Variants in AURKC observed in about 807,000 individuals in gnomAD.
The protein encoded by AURKC is ARK-3.
A neutral mutation model predicts 29.2 loss-of-function variants in AURKC; 15 were observed. The observed-to-expected ratio is 0.51, with a 90% CI of 0.34 to 0.79. AURKC has a LOEUF of 0.79. Ranked by LOEUF, AURKC falls within the 30% of genes least tolerant of loss-of-function variation. The pLI, the probability that AURKC is intolerant of heterozygous loss-of-function variation, is 0.01. For missense variants in AURKC, 332 were observed against 383.2 expected, an observed-to-expected ratio of 0.87 and a Z score of 1.12; for synonymous variants, 150 against 149.9, an observed-to-expected ratio of 1.00 and a Z score of -0.01.
At position 57,232,539 on chromosome 19, in the gene AURKC, C is replaced by A; in HGVS notation, c.297-3C>A. On this transcript the variant is annotated splice_polypyrimidine_tract_variant and splice_region_variant and intron_variant, in intron 3 of 6. Transcript: ENST00000302804. This position sits in a 1 kb window ranked among gnomAD's most constrained non-coding sequence, Gnocchi z 4.5. ...TCTGACTCTTCCAACATTAATCCTT[C>A]AGACACCCCAATATCCTGCGCCTGT... 2 of 1,614,184 alleles carry A rather than the reference C, an allele frequency of 1.2e-6. No individual in the cohort carries two copies. Among genetic ancestry groups the A allele is most frequent in the Non-Finnish European group, 1.7e-6 (2 of 1,180,036 alleles).
At position 57,235,018 on chromosome 19, in the gene AURKC, A is replaced by G; in HGVS notation, c.719A>G (p.Glu240Gly). The G allele has an allele frequency of 1.2e-6, 2 of 1,614,098 alleles. No individual in the cohort carries two copies. The highest frequency in any genetic ancestry group is 1.7e-6 in the Non-Finnish European group (2 of 1,180,030). The change falls in exon 6 of 7, where the codon GAG (glutamate) becomes GGG (glycine). Residue 240 changes from glutamate to glycine, a missense_variant. Transcript: ENST00000302804. ...YELLVGYPPF[E>G]SASHSETYRR... ...CTGCTGGTGGGATATCCACCCTTTGAGAGCGCCTCCCACAGTGAGACTTAC... is the reference window on the plus strand; with the variant it reads ...CTGCTGGTGGGATATCCACCCTTTGGGAGCGCCTCCCACAGTGAGACTTAC...
Position 57,231,174 on chromosome 19 carries a change from C to T in AURKC, c.-75C>T. On this transcript the variant is annotated 5_prime_UTR_variant, in exon 1 of 7. Transcript: ENST00000302804. Reference sequence around the variant, plus strand: ...CCGGCCAGAAAGTGACCCCCCACCCCTTTCAGGACCCTGTGAACGGGAACA... The same window carrying T: ...CCGGCCAGAAAGTGACCCCCCACCCTTTTCAGGACCCTGTGAACGGGAACA... 6.4e-7 allele frequency: 1 copy of T among 1,551,288 alleles called. No individual in the cohort carries two copies. The highest frequency in any genetic ancestry group is 8.7e-7 in the Non-Finnish European group (1 of 1,146,798).
chr19:57,231,655 C>G (rs1248714219), intron 1 of AURKC, 87 bp from the exon 2 acceptor site: 1 of 1,489,258 alleles, frequency 6.7e-7, no homozygotes, highest in African/African-American at 1.4e-5. Flanking sequence ...CTATTCCCTT[C>G]TCTACTGTTC....
chr19:57,235,215 G>C, intron 6 of AURKC, 32 bp from the exon 7 acceptor site: 1 of 1,613,826 alleles, frequency 6.2e-7, no homozygotes, highest in South Asian at 1.1e-5. Flanking sequence ...AAATTAACCA[G>C]ACTTCTCTTT....
At position 57,232,776 on chromosome 19, in the gene AURKC, T is replaced by G; in HGVS notation, c.435+96T>G. The G allele has an allele frequency of 6.6e-7, 1 of 1,519,622 alleles. No homozygotes were observed. The highest frequency in any genetic ancestry group is 1.4e-5 in the African/African-American group (1 of 72,912). 94.1% of individuals were successfully genotyped at this position (1,519,622 alleles called of 1,614,324 possible). A position where few individuals can be genotyped will look rare whatever the true frequency, so the allele number is the denominator to read the frequency against. On this transcript the variant is annotated intron_variant, in intron 4 of 6. Coordinates refer to ENST00000302804, the MANE Select transcript of AURKC (RefSeq NM_001015878.2). The surrounding 1 kb of genome is among the most constrained non-coding windows in gnomAD (Gnocchi z 4.5). ...TGTCAGGAGGGTCCGCATTGCCTTC[T>G]GAGAAGTTTACTTCTGAATGTTATT...
intron 5 of AURKC, among the ~76,000 whole-genome samples, chr19:57,234,313 C>G (rs1013690098): frequency 3.3e-5 from 5 of 152,174 alleles, no homozygotes; most frequent in African/African-American, 1.2e-4. Context: ...GCCTCGGCCT[C>G]CCAAAGTGCT....
At chr19:57,233,336 A>T (rs528986970) in intron 4 of AURKC, 124 bp from the exon 5 acceptor site, 2 of 1,380,264 alleles carry the variant, frequency 1.4e-6, no homozygotes, top group South Asian at 2.3e-5. Flanking sequence ...ATTTAAAAGG[A>T]GGAAATGGAG....
Position 57,233,572 on chromosome 19 carries a change from C to T in AURKC, c.548C>T (p.Ala183Val), listed in dbSNP as rs369113656. 6.2e-7 allele frequency: 1 copy of T among 1,614,046 alleles called. No homozygotes were observed. The highest frequency in any genetic ancestry group is 1.1e-5 in the South Asian group (1 of 91,070). Residue 183 changes from alanine (A) to valine (V), a missense_variant, in exon 5 of 7, where the codon GCA becomes GTA. By Grantham distance (64) the Ala-to-Val change is moderately conservative. Coordinates refer to ENST00000302804, the MANE Select transcript of AURKC (RefSeq NM_001015878.2). Reference protein sequence around the residue: ...LLGFRGEVKIADFGWSVHTPS... With the variant: ...LLGFRGEVKIVDFGWSVHTPS... ...GGGTTCAGGGGTGAGGTGAAGATTG[C>T]AGATTTTGGCTGGTCTGTGCACACC...
intron 5 of AURKC, among the ~76,000 whole-genome samples, chr19:57,234,591 T>C (rs542634080): frequency 6.6e-6 from 1 of 152,340 alleles, no homozygotes; most frequent in African/African-American, 2.4e-5. Context: ...TGATACACCA[T>C]CAGTTTGTTC....
At chr19:57,235,098 C>CA (rs1275488109) in intron 6 of AURKC, 40 bp downstream of exon 6, 1 of 1,613,472 alleles carries the variant, frequency 6.2e-7, no homozygotes, top group Admixed American at 1.7e-5. Flanking sequence ...GGGAGCTGGT[C>CA]AGTGATGGCT....
In AURKC at chr19:57,232,577, A is replaced by G. The variant is rs199855150; in HGVS notation, c.332A>G (p.His111Arg). 9.9e-6 allele frequency: 16 copies of G among 1,614,010 alleles called. No individual in the cohort carries two copies. The highest frequency in any genetic ancestry group is 1.2e-5 in the Non-Finnish European group (14 of 1,180,042). The part of the protein sequence containing the change: ...PNILRLYNYF[H>R]DARRVYLILE... The stretch of plus-strand genomic sequence containing the variant: ...ATCCTGCGCCTGTATAACTATTTCC[A>G]TGATGCACGCCGGGTGTACCTGATT... Residue 111 changes from histidine to arginine, a missense_variant, in exon 4 of 7, where the codon CAT (histidine) becomes CGT (arginine). Physicochemically the swap from His to Arg is conservative, Grantham distance 29. Coordinates refer to ENST00000302804, the MANE Select transcript of AURKC (RefSeq NM_001015878.2). The surrounding 1 kb of genome is among the most constrained non-coding windows in gnomAD (Gnocchi z 4.5).
At chr19:57,234,758 C>T in intron 5 of AURKC, 126 bp from the exon 6 acceptor site, 1 of 1,139,502 alleles carries the variant, frequency 8.8e-7, no homozygotes, top group South Asian at 1.4e-5. Context: ...CTCCAAACTC[C>T]TGTGCTTGGG....
In AURKC at chr19:57,232,049, G is replaced by C; in HGVS notation, c.121G>C (p.Asp41His). The C allele has an allele frequency of 6.2e-7, 1 of 1,614,100 alleles. No homozygotes were observed. Among genetic ancestry groups the C allele is most frequent in the Non-Finnish European group, 8.5e-7 (1 of 1,180,018 alleles). The part of the protein sequence containing the change: ...SSPAMRRLTV[D>H]DFEIGRPLGK... The stretch of plus-strand genomic sequence containing the variant: ...TCCTGTCAGGCGGCGCCTCACAGTC[G>C]ATGACTTTGAAATCGGGCGTCCCCT... The change falls in exon 3 of 7, where the codon GAT becomes CAT. Residue 41 changes from aspartate (D) to histidine (H), a missense_variant. Coordinates refer to ENST00000302804, the MANE Select transcript of AURKC (RefSeq NM_001015878.2). This position sits in a 1 kb window ranked among gnomAD's most constrained non-coding sequence, Gnocchi z 4.5.
intron 5 of AURKC, among the ~76,000 whole-genome samples, chr19:57,233,977 C>A (rs1320455411): frequency 1.3e-5 from 2 of 151,774 alleles, no homozygotes; most frequent in Admixed American, 6.6e-5. Context: ...GGTGATCCGC[C>A]CACCTTGGCT....
In AURKC at chr19:57,232,818, A is replaced by T. The variant is rs758396174; in HGVS notation, c.435+138A>T. The T allele has an allele frequency of 7.2e-6, 8 of 1,112,902 alleles. No homozygotes were observed. Among genetic ancestry groups the T allele is most frequent in the Non-Finnish European group, 1.1e-5 (8 of 756,278 alleles). The allele number at this position is 1,112,902 out of a possible 1,614,324, so 68.9% of individuals were successfully genotyped here. A position where few individuals can be genotyped will look rare whatever the true frequency, so the allele number is the denominator to read the frequency against. On this transcript the variant is annotated intron_variant, in intron 4 of 6. Transcript: ENST00000302804. This position sits in a 1 kb window ranked among gnomAD's most constrained non-coding sequence, Gnocchi z 4.5. ...AATGTTATTGTGTAAATTTAATATA[A>T]TGGCACGTATGTTCTACAGCTTTAT... is the stretch of plus-strand genomic sequence containing the variant.
At position 57,232,425 on chromosome 19, in the gene AURKC, G is replaced by A. The variant is rs183236244; in HGVS notation, c.297-117G>A. 4,761 of 1,528,054 alleles carry A rather than the reference G, an allele frequency of 3.1e-3. 16 individuals carry two copies. Among genetic ancestry groups the A allele is most frequent in the Non-Finnish European group, 3.9e-3 (4,347 of 1,109,538 alleles). The allele number at this position is 1,528,054 out of a possible 1,614,324, so 94.7% of individuals were successfully genotyped here. ...TTCTCCCCTCACTTGCTCCCAGATA[G>A]GGCTGTTGTTATTCTGGTCCCAGCA... On this transcript the variant is annotated intron_variant, in intron 3 of 6. Coordinates refer to ENST00000302804, the MANE Select transcript of AURKC (RefSeq NM_001015878.2). This position sits in a 1 kb window ranked among gnomAD's most constrained non-coding sequence, Gnocchi z 4.5.
Position 57,232,589 on chromosome 19 carries a change from G to A in AURKC, c.344G>A (p.Arg115Gln), listed in dbSNP as rs547639001. The A allele has an allele frequency of 1.8e-5, 29 of 1,614,112 alleles. No homozygotes were observed. The highest frequency in any genetic ancestry group is 4.5e-5 in the East Asian group (2 of 44,872). ...TATAACTATTTCCATGATGCACGCC[G>A]GGTGTACCTGATTCTGGAATATGCT... is the stretch of plus-strand genomic sequence containing the variant. The part of the protein sequence containing the change: ...RLYNYFHDAR[R>Q]VYLILEYAPR... The change falls in exon 4 of 7, where the codon CGG becomes CAG. Residue 115 changes from arginine to glutamine, a missense_variant. Coordinates refer to ENST00000302804, the MANE Select transcript of AURKC (RefSeq NM_001015878.2). The surrounding 1 kb of genome is among the most constrained non-coding windows in gnomAD (Gnocchi z 4.5).
At position 57,231,111 on chromosome 19, in the gene AURKC, A is replaced by G. The variant is rs753731940; in HGVS notation, c.-138A>G. 3.9e-5 allele frequency: 60 copies of G among 1,529,042 alleles called. No individual in the cohort carries two copies. Among genetic ancestry groups the G allele is most frequent in the South Asian group, 1.2e-4 (10 of 83,386 alleles). 94.7% of individuals were successfully genotyped at this position (1,529,042 alleles called of 1,614,324 possible). ...CCCGAAGCCTGTGTAGCAGTGAGAC[A>G]TCAGTGAGGCTGCAGGACGAGCAGG... On this transcript the variant is annotated 5_prime_UTR_variant, in exon 1 of 7. Transcript: ENST00000302804.
At chr19:57,233,642 A>G in intron 5 of AURKC, 34 bp downstream of exon 5, 4 of 1,612,774 alleles carry the variant, frequency 2.5e-6, no homozygotes, top group Non-Finnish European at 1.7e-6. Context: ...GTGAGTTCTG[A>G]GTACCAGTTA....
Sources: allele counts gnomAD v4.1 joint callset (sites outside exome capture counted in the v4.1 genomes callset), GRCh38; gene constraint gnomAD v4.1.1; non-coding constraint Gnocchi (gnomAD v3.1); transcripts MANE v1.5; gene names NCBI Gene and HGNC (gene_info 2026-07-23, HGNC 2026-07-21).